CNDP2: variants seen among roughly 807,000 people sequenced by gnomAD.
CNDP2 encodes the protein cytosolic non-specific dipeptidase.
CNDP2 carries 38 observed loss-of-function variants against 55.0 expected under a neutral mutation model. That is an observed-to-expected ratio of 0.69 (90% CI 0.53 to 0.90). The LOEUF is 0.90. Among genes scored for constraint, CNDP2 ranks in the 40% least tolerant of loss-of-function variants. The pLI is 0.00. For synonymous variants in CNDP2, 241 were observed against 260.2 expected (o/e 0.93, Z 0.71); for missense variants, 607 against 621.7 (o/e 0.98, Z 0.25).
intron 6 of CNDP2, 65 bp from the exon 7 acceptor site, chr18:74,512,383 C>A: frequency 7.1e-7 from 1 of 1,411,902 alleles, no homozygotes; most frequent in Non-Finnish European, 9.8e-7. Context: ...GTTGAATTTA[C>A]TGTCACATGA....
chr18:74,507,600 C>T (rs1388497050), intron 4 of CNDP2: 1 of 153,022 alleles, frequency 6.5e-6, no homozygotes, highest in Non-Finnish European at 1.5e-5. Flanking sequence ...CACGTGCAGC[C>T]CCCAGGAGCC....
chr18:74,519,856 G>A (rs987285068), intron 11 of CNDP2, 143 bp from the exon 12 acceptor site: 4 of 665,024 alleles, frequency 6.0e-6, no homozygotes, highest in African/African-American at 3.6e-5. Context: ...CTGAAGGCAA[G>A]CAGGGCTCAG....
rs1979489493 is a variant in CNDP2 at position 74,513,698 on chromosome 18, G to T, written c.882G>T (p.Gln294His). ...IEEFAKDVGA[Q>H]ILLHSHKKDI... Reference sequence around the variant, plus strand: ...AGTTTGCCAAGGATGTGGGGGCGCAGATCCTCCTGCACAGCCACAAGGTCT... The same window carrying T: ...AGTTTGCCAAGGATGTGGGGGCGCATATCCTCCTGCACAGCCACAAGGTCT... The change falls in exon 8 of 12, where the codon CAG becomes CAT. Residue 294 changes from glutamine to histidine, a missense_variant. Gln to His is a conservative substitution (Grantham distance 24). Coordinates refer to ENST00000324262, the MANE Select transcript of CNDP2 (RefSeq NM_018235.3). 2.5e-6 allele frequency: 4 copies of T among 1,614,032 alleles called. No individual in the cohort carries two copies. The highest frequency in any genetic ancestry group is 3.4e-6 in the Non-Finnish European group (4 of 1,179,980).
At chr18:74,505,642 A>G (rs1171824576) in intron 3 of CNDP2, among the ~76,000 whole-genome samples, 6 of 152,216 alleles carry the variant, frequency 3.9e-5, no homozygotes, top group African/African-American at 7.2e-5. Context: ...GCAATTGGCA[A>G]ACATGTACAT....
chr18:74,520,073 A>C lies in CNDP2; in HGVS notation c.*5A>C. On this transcript the variant is annotated 3_prime_UTR_variant, in exon 12 of 12. Transcript: ENST00000324262. ...GTCTCCCAGCTGAAGGACTAGGCCA[A>C]GCCCTCTGTGTGCCATCTCCAATGA... 6.2e-7 allele frequency: 1 copy of C among 1,614,108 alleles called. No homozygotes were observed. The highest frequency in any genetic ancestry group is 8.5e-7 in the Non-Finnish European group (1 of 1,179,974).
At chr18:74,496,749 TG>T (rs2144562712) in intron 1 of CNDP2, among the ~76,000 whole-genome samples, 1 of 152,258 alleles carries the variant, frequency 6.6e-6, no homozygotes, top group South Asian at 2.1e-4. Flanking sequence ...TGGCCCTCCC[TG>T]GTGGAGTCGA....
intron 9 of CNDP2, chr18:74,517,309 G>A (rs1241743050): frequency 4.6e-5 from 7 of 152,218 alleles, no homozygotes; most frequent in African/African-American, 7.2e-5. Context: ...TGCGGACTGC[G>A]GCCCGGGGCC....
chr18:74,515,643 G>A (rs73476749), intron 8 of CNDP2, among the ~76,000 whole-genome samples: 3,221 of 152,274 alleles, frequency 0.021, 93 homozygotes, highest in African/African-American at 0.071. Context: ...TGCAGGGGGC[G>A]GGGGCAGGCA....
At chr18:74,505,309 C>G (rs1978946459) in intron 3 of CNDP2, 1 of 152,186 alleles carries the variant, frequency 6.6e-6, no homozygotes, top group Non-Finnish European at 1.5e-5. Context: ...TAAGAATTTA[C>G]CAAATCCAGC....
At chr18:74,512,640 A>G (rs1487909451) in intron 7 of CNDP2, 108 bp downstream of exon 7, 2 of 881,308 alleles carry the variant, frequency 2.3e-6, no homozygotes, top group Non-Finnish European at 3.6e-6. Context: ...CACATGAACC[A>G]ACTTCTGTCT....
chr18:74,501,101 G>C (rs902775670), intron 2 of CNDP2: 1 of 943,992 alleles, frequency 1.1e-6, no homozygotes, highest in Non-Finnish European at 1.4e-6. Flanking sequence ...TTTTTAAACA[G>C]GTACTGAGTG....
intron 1 of CNDP2, 155 bp from the exon 2 acceptor site, chr18:74,499,727 A>G (rs1176222732): frequency 4.9e-6 from 2 of 405,578 alleles, no homozygotes; most frequent in Non-Finnish European, 8.7e-6. Flanking sequence ...TTCCAAGTAA[A>G]GAAGGGAAGT....
At chr18:74,499,106 C>T (rs1185125137) in intron 1 of CNDP2, among the ~76,000 whole-genome samples, 6 of 152,188 alleles carry the variant, frequency 3.9e-5, no homozygotes, top group Non-Finnish European at 8.8e-5. Context: ...GTAGTAGGGT[C>T]CTGTCACTCC....
intron 11 of CNDP2, 66 bp downstream of exon 11, chr18:74,519,162 T>G: frequency 1.3e-6 from 2 of 1,504,404 alleles, no homozygotes; most frequent in Non-Finnish European, 1.8e-6. Flanking sequence ...CCCTTCCCCT[T>G]CCCCCCGTGT....
chr18:74,502,867 G>A (rs1207403930), intron 3 of CNDP2, among the ~76,000 whole-genome samples: 2 of 152,136 alleles, frequency 1.3e-5, no homozygotes, highest in South Asian at 2.1e-4. Flanking sequence ...GAGCCCACAG[G>A]AGGCTCATGC....
rs1022057513 is a variant in CNDP2 at position 74,523,325 on chromosome 18, A to T, written c.*3257A>T. On this transcript the variant is annotated 3_prime_UTR_variant, in exon 12 of 12. Coordinates refer to ENST00000324262, the MANE Select transcript of CNDP2 (RefSeq NM_018235.3). ...CACAAACCACTTTCCCAGAGAGGTT[A>T]TGAAGACAGAAATGACCCTGTGACC... 1.3e-5 allele frequency: 2 copies of T among 152,244 alleles called. No individual in the cohort carries two copies. The highest frequency in any genetic ancestry group is 4.8e-5 in the African/African-American group (2 of 41,460). 9.4% of individuals were successfully genotyped at this position (152,244 alleles called of 1,614,324 possible). A position where few individuals can be genotyped will look rare whatever the true frequency, so the allele number is the denominator to read the frequency against.
intron 11 of CNDP2, among the ~76,000 whole-genome samples, chr18:74,519,758 TTTACTACCG>T (rs752981575): frequency 7.2e-5 from 11 of 152,144 alleles, no homozygotes; most frequent in Non-Finnish European, 1.6e-4. Context: ...GAGCTTGACG[TTTACTACCG>T]GGGCACTAGG....
Position 74,501,492 on chromosome 18 carries a change from G to C in CNDP2, c.204+20G>C. 1 of 1,610,150 alleles carries C rather than the reference G, an allele frequency of 6.2e-7. No individual in the cohort carries two copies. Among genetic ancestry groups the C allele is most frequent in the Non-Finnish European group, 8.5e-7 (1 of 1,177,902 alleles). ...CAAAAGGTAGGAGGCAACATTCTTTGCATTGCAGGACCGTAGACAGATTCT... is the reference window on the plus strand; with the variant it reads ...CAAAAGGTAGGAGGCAACATTCTTTCCATTGCAGGACCGTAGACAGATTCT... On this transcript the variant is annotated intron_variant, in intron 3 of 11. Transcript: ENST00000324262.
At position 74,508,933 on chromosome 18, in the gene CNDP2, GC is replaced by G. The variant is rs1568279814; in HGVS notation, c.456+11del. The G allele has an allele frequency of 6.2e-7, 1 of 1,613,058 alleles. No homozygotes were observed. ...GCGTATCAGAAAACAGGCCAGGTAT[GC>G]CCCCCACGCTGACTTCTGCCTGAGT... On this transcript the variant is annotated splice_donor_region_variant and intron_variant, in intron 5 of 11. Transcript: ENST00000324262.
Sources: allele counts gnomAD v4.1 joint callset (sites outside exome capture counted in the v4.1 genomes callset), GRCh38; gene constraint gnomAD v4.1.1; transcripts MANE v1.5; gene names NCBI Gene and HGNC (gene_info 2026-07-23, HGNC 2026-07-21).